Variants in NFXL1 observed in about 807,000 individuals in gnomAD.
The protein encoded by NFXL1 is nuclear transcription factor, X-box binding like 1, also known as NF-X1-type zinc finger protein NFXL1.
Under a neutral mutation model 123.3 loss-of-function variants are expected in NFXL1, and 66 were observed. That is an observed-to-expected ratio of 0.54 (90% confidence interval 0.44 to 0.66). NFXL1 has a LOEUF of 0.66. Among genes scored for constraint, NFXL1 ranks in the 30% least tolerant of loss-of-function variants. The pLI, the probability that NFXL1 is intolerant of heterozygous loss-of-function variation, is 0.00. For missense variants in NFXL1, 944 were observed against 1,125.6 expected (o/e 0.84, Z 2.31); for synonymous variants, 346 against 360.8 (o/e 0.96, Z 0.46).
chr4:47,896,628 T>C lies in NFXL1; in HGVS notation c.1224A>G (p.Thr408=), dbSNP rs1737102811. Residue 408 remains threonine (T), a synonymous_variant, in exon 10 of 23, where the codon ACA becomes ACG. Coordinates refer to ENST00000507489, the MANE Select transcript of NFXL1 (RefSeq NM_001278624.2). ...TGTCTCCACAAGTTGGTACATCTTCTGTACAAGGCAAAGAAAACTCTAAAA... is the reference window on the plus strand; with the variant it reads ...TGTCTCCACAAGTTGGTACATCTTCCGTACAAGGCAAAGAAAACTCTAAAA... ...CQKSKFSLPC[T]EDVPTCGDSC... 6.2e-7 allele frequency: 1 copy of C among 1,609,288 alleles called. No individual in the cohort carries two copies. Among genetic ancestry groups the C allele is most frequent in the Non-Finnish European group, 8.5e-7 (1 of 1,175,848 alleles).
intron 18 of NFXL1, among the ~76,000 whole-genome samples, chr4:47,873,640 C>T (rs1320158306): frequency 6.6e-6 from 1 of 152,138 alleles, no homozygotes; most frequent in Non-Finnish European, 1.5e-5. Flanking sequence ...GTCATCCAGG[C>T]TTTGTTGTTC....
chr4:47,854,916 A>T, intron 20 of NFXL1, 143 bp downstream of exon 20: 1 of 426,860 alleles, frequency 2.3e-6, no homozygotes, highest in South Asian at 5.9e-5. Flanking sequence ...AAGTTCTATG[A>T]AGTAAAACCT....
intron 18 of NFXL1, among the ~76,000 whole-genome samples, chr4:47,867,706 A>G (rs1735186895): frequency 6.6e-6 from 1 of 152,208 alleles, no homozygotes; most frequent in Non-Finnish European, 1.5e-5. Flanking sequence ...GGTAAAAAAG[A>G]TCAATTAACT....
intron 21 of NFXL1, 107 bp downstream of exon 21, chr4:47,851,748 TA>T: frequency 8.3e-6 from 6 of 720,132 alleles, no homozygotes; most frequent in Non-Finnish European, 1.4e-5. Flanking sequence ...GCTTTTATTA[TA>T]AAAGCAAAAA....
At chr4:47,914,240 G>T (rs71614013) in intron 1 of NFXL1, 35 bp from the exon 2 acceptor site, 6 of 1,396,710 alleles carry the variant, frequency 4.3e-6, no homozygotes, top group African/African-American at 1.4e-5. Flanking sequence ...AGAGTGGAAG[G>T]AGGTGAGCGC....
intron 19 of NFXL1, among the ~76,000 whole-genome samples, chr4:47,858,549 A>G (rs1734540153): frequency 6.6e-6 from 1 of 152,250 alleles, no homozygotes; most frequent in East Asian, 1.9e-4. Flanking sequence ...AGTGGACTAC[A>G]GCATGTAGCT....
At chr4:47,877,535 C>T (rs1735826206) in intron 17 of NFXL1, among the ~76,000 whole-genome samples, 2 of 152,178 alleles carry the variant, frequency 1.3e-5, no homozygotes, top group South Asian at 4.1e-4. Flanking sequence ...ACAGCAGCTA[C>T]ACCCTAACTA....
chr4:47,884,493 T>G, intron 14 of NFXL1, 56 bp from the exon 15 acceptor site: 1 of 1,072,884 alleles, frequency 9.3e-7, no homozygotes, highest in Non-Finnish European at 1.4e-6. Flanking sequence ...ATATGGCCAT[T>G]TTAAGAATCT....
intron 11 of NFXL1, among the ~76,000 whole-genome samples, chr4:47,891,268 C>T (rs1373914000): frequency 2.0e-5 from 3 of 152,010 alleles, no homozygotes; most frequent in Admixed American, 6.6e-5. Context: ...CTCCCCACCA[C>T]ACCTCAGTAG....
In NFXL1 at chr4:47,885,616, C is replaced by T. The variant is rs76453132; in HGVS notation, c.1706G>A (p.Arg569His). 3,720 of 1,613,726 alleles carry T rather than the reference C, an allele frequency of 2.3e-3. 17 individuals carry two copies. Among genetic ancestry groups the T allele is most frequent in the Non-Finnish European group, 2.3e-3 (2,669 of 1,179,744 alleles). ...TGGTGGACAAGAACCAAAGTGACAG[C>T]GATGTTTTTCTTGACTTGTATGATG... is the stretch of plus-strand genomic sequence containing the variant. Reference protein sequence around the residue: ...TCHHTSQEKHRCHFGSCPPCH... With the variant: ...TCHHTSQEKHHCHFGSCPPCH... Residue 569 changes from arginine (R) to histidine (H), a missense_variant, in exon 14 of 23, where the codon CGC (arginine) becomes CAC (histidine). Around this residue, in one of 4 missense-constraint regions of NFXL1, gnomAD observed 44 missense variants for 90.4 expected, o/e 0.49. Transcript: ENST00000507489.
At chr4:47,888,749 A>AG (rs990377232) in intron 12 of NFXL1, among the ~76,000 whole-genome samples, 19 of 152,172 alleles carry the variant, frequency 1.2e-4, no homozygotes, top group African/African-American at 4.3e-4. Flanking sequence ...ATAAGTCATA[A>AG]GGGGAAAAAA....
chr4:47,904,366 G>T (rs1469284058), intron 4 of NFXL1, among the ~76,000 whole-genome samples: 1 of 152,172 alleles, frequency 6.6e-6, no homozygotes, highest in Non-Finnish European at 1.5e-5. Context: ...TACTAGCTAA[G>T]TCAATTTCCA....
chr4:47,863,829 TA>T (rs1376191458), intron 18 of NFXL1, among the ~76,000 whole-genome samples: 1 of 152,200 alleles, frequency 6.6e-6, no homozygotes, highest in African/African-American at 2.4e-5. Flanking sequence ...AGACACTGCC[TA>T]AGTCAGTAAC....
chr4:47,913,176 C>T (rs1737928162), intron 2 of NFXL1, among the ~76,000 whole-genome samples: 1 of 152,076 alleles, frequency 6.6e-6, no homozygotes, highest in Admixed American at 6.5e-5. Flanking sequence ...CTCCACACCC[C>T]CCAAAAAAAT....
intron 17 of NFXL1, among the ~76,000 whole-genome samples, chr4:47,876,566 T>C (rs1735766194): frequency 6.6e-6 from 1 of 152,148 alleles, no homozygotes; most frequent in South Asian, 2.1e-4. Context: ...AGTTAGATCA[T>C]TACTGAGCCT....
intron 13 of NFXL1, 26 bp from the exon 14 acceptor site, chr4:47,885,683 A>C (rs769886885): frequency 6.3e-7 from 1 of 1,596,342 alleles, no homozygotes; most frequent in East Asian, 2.2e-5. Flanking sequence ...CAATTTTCAA[A>C]AATTACTTTT....
At chr4:47,907,984 T>C (rs1210728399) in intron 3 of NFXL1, among the ~76,000 whole-genome samples, 2 of 152,222 alleles carry the variant, frequency 1.3e-5, no homozygotes, top group African/African-American at 2.4e-5. Context: ...CTTAATTCCT[T>C]AGCAGATATG....
chr4:47,865,934 T>C (rs1735039773), intron 18 of NFXL1, among the ~76,000 whole-genome samples: 1 of 152,138 alleles, frequency 6.6e-6, no homozygotes, highest in South Asian at 2.1e-4. Flanking sequence ...GAAGATCACC[T>C]GAGCCTGGGA....
intron 18 of NFXL1, among the ~76,000 whole-genome samples, chr4:47,872,353 T>G (rs1041859668): frequency 6.6e-6 from 1 of 151,100 alleles, no homozygotes; most frequent in African/African-American, 2.4e-5. Context: ...TCCCAGCTAC[T>G]CAGGAGGCCA....
Sources: gnomAD v4.1 joint callset for allele counts (sites outside exome capture counted in the v4.1 genomes callset) on GRCh38, gnomAD v4.1.1 for gene constraint, gnomAD v4.1.1 regional missense constraint, MANE v1.5 for transcripts, NCBI Gene and HGNC (gene_info 2026-07-23, HGNC 2026-07-21) for gene names.